The following SPMIP2 variants were observed in gnomAD, a reference collection of about 807,000 sequenced individuals.
The protein encoded by SPMIP2 is protein SPMIP2.
chr4:159,052,961 T>TATTA, the SPMIP2 span, among the ~76,000 whole-genome samples: 32 of 105,636 alleles, frequency 3.0e-4, no homozygotes, highest in African/African-American at 9.9e-4. Flanking sequence ...TATTATTTTT[T>TATTA]TTTTTTTTTT....
chr4:158,940,618 A>C, the SPMIP2 span, among the ~76,000 whole-genome samples: 5 of 90,292 alleles, frequency 5.5e-5, no homozygotes, highest in Non-Finnish European at 9.7e-5. Flanking sequence ...TTTATTTTCT[A>C]TTTGGTTATG....
chr4:159,019,507 T>G, the SPMIP2 span, among the ~76,000 whole-genome samples: 1 of 152,078 alleles, frequency 6.6e-6, no homozygotes, highest in Admixed American at 6.6e-5. Flanking sequence ...TACCCTGACA[T>G]CATGAGTGCC....
chr4:159,053,879 A>T, the SPMIP2 span, among the ~76,000 whole-genome samples: 2 of 151,978 alleles, frequency 1.3e-5, no homozygotes, highest in African/African-American at 4.8e-5. Context: ...GCTTGAACCC[A>T]AGAATAAACC....
chr4:158,986,856 G>C, the SPMIP2 span, among the ~76,000 whole-genome samples: 3 of 145,364 alleles, frequency 2.1e-5, no homozygotes, highest in African/African-American at 7.6e-5. Flanking sequence ...CCTACAAAAT[G>C]GGAGAAAATT....
the SPMIP2 span, among the ~76,000 whole-genome samples, chr4:158,931,042 C>T: frequency 1.3e-5 from 2 of 152,014 alleles, no homozygotes; most frequent in African/African-American, 4.8e-5. Context: ...CTGGGATTAC[C>T]ATTTTGCTAT....
the SPMIP2 span, among the ~76,000 whole-genome samples, chr4:158,942,762 G>T: frequency 6.6e-6 from 1 of 152,104 alleles, no homozygotes; most frequent in Admixed American, 6.6e-5. Context: ...GGACCACAGA[G>T]CAAGACTCTG....
chr4:159,044,204 G>A, the SPMIP2 span, among the ~76,000 whole-genome samples: 1 of 151,608 alleles, frequency 6.6e-6, no homozygotes, highest in South Asian at 2.1e-4. Context: ...CTGAAGGGGA[G>A]GACAACATCT....
chr4:159,033,911 T>C, the SPMIP2 span, among the ~76,000 whole-genome samples: 8 of 152,178 alleles, frequency 5.3e-5, no homozygotes, highest in African/African-American at 1.9e-4. Context: ...TCACTTGAGG[T>C]CAGGAGTTCG....
the SPMIP2 span, among the ~76,000 whole-genome samples, chr4:159,001,567 G>C: frequency 2.0e-5 from 3 of 152,004 alleles, no homozygotes; most frequent in Non-Finnish European, 2.9e-5. Flanking sequence ...TCATCATTTA[G>C]CTCCCACTTA....
At chr4:158,918,394 A>C in the SPMIP2 span, among the ~76,000 whole-genome samples, 35 of 152,370 alleles carry the variant, frequency 2.3e-4, no homozygotes, top group African/African-American at 8.4e-4. Flanking sequence ...TAATTTCAAG[A>C]AAGCTTAAAA....
chr4:158,952,930 A>AAGCATCTTGGGTGAAATTTAGC, the SPMIP2 span, among the ~76,000 whole-genome samples: 2 of 152,200 alleles, frequency 1.3e-5, no homozygotes, highest in African/African-American at 4.8e-5. Flanking sequence ...AGAAATTTCT[A>AAGCATCTTGGGTGAAATTTAGC]AGCATCTTGG....
chr4:159,059,939 A>G, the SPMIP2 span, among the ~76,000 whole-genome samples: 61,924 of 151,636 alleles, frequency 0.41, 12,809 homozygotes, highest in East Asian at 0.6. Flanking sequence ...AAACACAAGA[A>G]TGCTTTCCAG....
At chr4:158,993,241 C>T in the SPMIP2 span, among the ~76,000 whole-genome samples, 1 of 151,966 alleles carries the variant, frequency 6.6e-6, no homozygotes, top group African/African-American at 2.4e-5. Flanking sequence ...ATGGCATGCC[C>T]GGGTAGTCCC....
chr4:159,026,252 T>C, the SPMIP2 span: 4 of 536,712 alleles, frequency 7.5e-6, no homozygotes, highest in African/African-American at 1.9e-5. Context: ...GAGTGTATCA[T>C]CATTTGTGAT....
chr4:158,995,853 CTCA>C, the SPMIP2 span, among the ~76,000 whole-genome samples: 1 of 63,044 alleles, frequency 1.6e-5, no homozygotes, highest in African/African-American at 6.9e-5. Flanking sequence ...GAGACTCCAT[CTCA>C]AAAAAAAAAA....
the SPMIP2 span, among the ~76,000 whole-genome samples, chr4:158,927,437 T>A: frequency 6.6e-6 from 1 of 152,186 alleles, no homozygotes; most frequent in Non-Finnish European, 1.5e-5. Context: ...TTTTGGCCAA[T>A]CTCTTACTTT....
At chr4:158,960,749 G>A in the SPMIP2 span, among the ~76,000 whole-genome samples, 9 of 152,074 alleles carry the variant, frequency 5.9e-5, no homozygotes, top group Non-Finnish European at 8.8e-5. Context: ...AAATGTGGTC[G>A]TAATAACGTA....
chr4:158,986,609 A>C, the SPMIP2 span, among the ~76,000 whole-genome samples: 1 of 152,022 alleles, frequency 6.6e-6, no homozygotes, highest in East Asian at 1.9e-4. Context: ...TCCCTTCCTT[A>C]CACCTTATAC....
At chr4:158,970,456 C>A in the SPMIP2 span, among the ~76,000 whole-genome samples, 8 of 151,996 alleles carry the variant, frequency 5.3e-5, no homozygotes, top group Admixed American at 2.0e-4. Flanking sequence ...AGGAGGATTG[C>A]TTGAGCCCAG....
Sources: gnomAD v4.1 joint callset for allele counts (sites outside exome capture counted in the v4.1 genomes callset) on GRCh38, gnomAD v4.1.1 for gene constraint, MANE v1.5 for transcripts, NCBI Gene and HGNC (gene_info 2026-07-23, HGNC 2026-07-21) for gene names.